EYS: variants seen among roughly 807,000 people sequenced by gnomAD.
The protein encoded by EYS is EGF-like photoreceptor maintenance factor.
In EYS, 250 loss-of-function variants were observed where a neutral mutation model predicts 282.1. The ratio of observed to expected loss-of-function variants is 0.89; its 90% CI spans 0.80 to 0.98. The LOEUF is 0.98. Among genes scored for constraint, EYS ranks in the 50% least tolerant of loss-of-function variants. EYS has a pLI of 0.00. For synonymous variants in EYS, 1,355 were observed against 1,282.9 expected (o/e 1.06, Z -1.20); for missense variants, 4,016 against 3,709.0 (o/e 1.08, Z -2.15).
chr6:63,848,339 G>A (rs1351938776), intron 36 of EYS, among the ~76,000 whole-genome samples: 2 of 151,984 alleles, frequency 1.3e-5, no homozygotes. Context: ...TCTGTGGATA[G>A]TTTTAAAAAC....
intron 35 of EYS, among the ~76,000 whole-genome samples, chr6:63,926,404 A>G (rs1186511071): frequency 6.6e-6 from 1 of 152,236 alleles, no homozygotes; most frequent in Non-Finnish European, 1.5e-5. Context: ...AGCATACTGT[A>G]TGTAAAAGTT....
intron 2 of EYS, among the ~76,000 whole-genome samples, chr6:65,590,830 T>A (rs2127367683): frequency 6.6e-6 from 1 of 152,122 alleles, no homozygotes; most frequent in South Asian, 2.1e-4. Context: ...TATGGCTGCA[T>A]AATATTACAT....
At chr6:63,872,976 G>T (rs1581918005) in intron 35 of EYS, among the ~76,000 whole-genome samples, 1 of 151,600 alleles carries the variant, frequency 6.6e-6, no homozygotes, top group Non-Finnish European at 1.5e-5. Flanking sequence ...TTTGAGAGAT[G>T]CTCAGGGAGA....
chr6:64,472,516 A>G (rs980679023), intron 26 of EYS, among the ~76,000 whole-genome samples: 4 of 152,312 alleles, frequency 2.6e-5, no homozygotes, highest in Admixed American at 6.5e-5. Flanking sequence ...CACCTTCAGA[A>G]TATCAAACTC....
intron 39 of EYS, among the ~76,000 whole-genome samples, chr6:63,782,762 C>T (rs1770265467): frequency 6.6e-6 from 1 of 152,088 alleles, no homozygotes; most frequent in Non-Finnish European, 1.5e-5. Context: ...CAGTTCTGCT[C>T]TGATCTTAGT....
chr6:64,633,486 C>T (rs191224133), intron 22 of EYS, among the ~76,000 whole-genome samples: 5 of 151,702 alleles, frequency 3.3e-5, no homozygotes, highest in East Asian at 3.9e-4. Context: ...TCCAAGTAAG[C>T]AGAAATGAAG....
chr6:65,108,784 G>T (rs945073312), intron 12 of EYS, among the ~76,000 whole-genome samples: 1 of 151,944 alleles, frequency 6.6e-6, no homozygotes, highest in African/African-American at 2.4e-5. Context: ...AATTTTTTCT[G>T]CCCTATGCTT....
intron 42 of EYS, among the ~76,000 whole-genome samples, chr6:63,725,334 T>A (rs901776794): frequency 2.6e-5 from 4 of 151,866 alleles, no homozygotes; most frequent in Non-Finnish European, 4.4e-5. Context: ...CAAACAAATA[T>A]GTATCGTTGT....
At chr6:64,488,552 A>C (rs1776644235) in intron 26 of EYS, among the ~76,000 whole-genome samples, 1 of 151,134 alleles carries the variant, frequency 6.6e-6, no homozygotes, top group Admixed American at 6.6e-5. Flanking sequence ...TGCAAATGCA[A>C]ATAGATAATT....
intron 33 of EYS, among the ~76,000 whole-genome samples, chr6:64,037,190 A>G (rs1470474836): frequency 6.6e-6 from 1 of 152,226 alleles, no homozygotes; most frequent in Non-Finnish European, 1.5e-5. Context: ...GACTAGTGAT[A>G]ATGGAAGATT....
chr6:63,924,402 T>G (rs1764657744), intron 35 of EYS, among the ~76,000 whole-genome samples: 1 of 152,236 alleles, frequency 6.6e-6, no homozygotes, highest in African/African-American at 2.4e-5. Context: ...GTTGTCTGTG[T>G]AGTGGCATGC....
intron 12 of EYS, among the ~76,000 whole-genome samples, chr6:65,098,725 C>T (rs1331512480): frequency 6.6e-6 from 1 of 150,684 alleles, no homozygotes; most frequent in Non-Finnish European, 1.5e-5. Context: ...TACAACATTA[C>T]AAATAAATTT....
chr6:64,624,852 G>A (rs1227821056), intron 23 of EYS, among the ~76,000 whole-genome samples: 2 of 152,114 alleles, frequency 1.3e-5, no homozygotes, highest in Admixed American at 6.6e-5. Flanking sequence ...TCTTCTGTGA[G>A]GTAGGTAAAT....
intron 30 of EYS, among the ~76,000 whole-genome samples, chr6:64,262,775 T>G (rs1767631269): frequency 6.6e-6 from 1 of 152,028 alleles, no homozygotes; most frequent in Non-Finnish European, 1.5e-5. Context: ...TAAAACTTAT[T>G]TTTCAATAGG....
intron 9 of EYS, among the ~76,000 whole-genome samples, chr6:65,345,836 G>A (rs1227791266): frequency 1.3e-5 from 2 of 151,470 alleles, no homozygotes; most frequent in African/African-American, 2.4e-5. Context: ...GACTAAATTA[G>A]CAGAAAGGCT....
intron 35 of EYS, among the ~76,000 whole-genome samples, chr6:63,909,594 G>C (rs890364062): frequency 6.6e-6 from 1 of 152,204 alleles, no homozygotes; most frequent in Non-Finnish European, 1.5e-5. Context: ...GTTGATTGTG[G>C]TTGGGATATC....
At chr6:63,992,370 C>T (rs1327608898) in intron 34 of EYS, among the ~76,000 whole-genome samples, 4 of 151,130 alleles carry the variant, frequency 2.6e-5, no homozygotes, top group African/African-American at 9.7e-5. Flanking sequence ...GGTTTGTTAC[C>T]TGGGTATATT....
chr6:63,990,974 T>C (rs1178297990), intron 34 of EYS, among the ~76,000 whole-genome samples: 3 of 151,560 alleles, frequency 2.0e-5, no homozygotes, highest in Non-Finnish European at 4.4e-5. Context: ...GAGACTAATA[T>C]CTATCTTGTT....
chr6:65,045,761 G>A (rs1329128898), intron 13 of EYS, among the ~76,000 whole-genome samples: 1 of 151,864 alleles, frequency 6.6e-6, no homozygotes, highest in Non-Finnish European at 1.5e-5. Context: ...TTGCTAAGAG[G>A]TTTAATTGTC....
Sources: allele counts gnomAD v4.1 joint callset (sites outside exome capture counted in the v4.1 genomes callset), GRCh38; gene constraint gnomAD v4.1.1; transcripts MANE v1.5; gene names NCBI Gene and HGNC (gene_info 2026-07-23, HGNC 2026-07-21).